The following PPP2R1A variants were observed in gnomAD, a reference collection of about 807,000 sequenced individuals.
PPP2R1A encodes protein phosphatase 2 scaffold subunit Aalpha.
A neutral mutation model predicts 67.1 loss-of-function variants in PPP2R1A; 15 were observed. The observed-to-expected ratio is 0.22, with a 90% CI of 0.15 to 0.34. PPP2R1A has a LOEUF of 0.34. Ranked by LOEUF, PPP2R1A falls within the 10% of genes least tolerant of loss-of-function variation. The probability of loss-of-function intolerance (pLI) is 1.00; values close to 1 mark genes in which losing one functional copy is unlikely to be tolerated. For synonymous variants in PPP2R1A, 337 were observed against 325.0 expected (o/e 1.04, Z -0.40); for missense variants, 369 against 775.0 (o/e 0.48, Z 6.22).
rs757889759 is a variant in PPP2R1A, at chr19:52,225,762, G to T, written c.1707G>T (p.Gln569His). The change falls in exon 14 of 15, where the codon CAG becomes CAT. Residue 569 changes from glutamine (Q) to histidine (H), a missense_variant. By Grantham distance (24) the Gln-to-His change is conservative. Transcript: ENST00000322088. Reference sequence around the variant, plus strand: ...AGCCCATCCTAGAGAAGCTGACCCAGGACCAGGATGTGGACGTCAAATACT... The same window carrying T: ...AGCCCATCCTAGAGAAGCTGACCCATGACCAGGATGTGGACGTCAAATACT... ...EVKPILEKLT[Q>H]DQDVDVKYFA... 3.1e-6 allele frequency: 5 copies of T among 1,614,214 alleles called. No individual in the cohort carries two copies. The Admixed American group carries it at 8.3e-5, about 27-fold the overall frequency.
chr19:52,225,737 A>G lies in PPP2R1A; in HGVS notation c.1682A>G (p.Lys561Arg). The G allele has an allele frequency of 1.9e-6, 3 of 1,614,116 alleles. No homozygotes were observed. Among genetic ancestry groups the G allele is most frequent in the South Asian group, 1.1e-5 (1 of 91,076 alleles). ...LDNSTLQSEV[K>R]PILEKLTQDQ... ...TCCAGCACCTTGCAGAGTGAAGTCA[A>G]GCCCATCCTAGAGAAGCTGACCCAG... The change falls in exon 14 of 15, where the codon AAG (lysine) becomes AGG (arginine). Residue 561 changes from lysine (K) to arginine (R), a missense_variant. Coordinates refer to ENST00000322088, the MANE Select transcript of PPP2R1A (RefSeq NM_014225.6).
At chr19:52,196,756 T>G (rs962314793) in intron 1 of PPP2R1A, among the ~76,000 whole-genome samples, 1 of 152,170 alleles carries the variant, frequency 6.6e-6, no homozygotes, top group African/African-American at 2.4e-5. Flanking sequence ...GGTCCCAGGC[T>G]CTTACCATTA....
chr19:52,192,370 C>T (rs1356124359), intron 1 of PPP2R1A, among the ~76,000 whole-genome samples: 13 of 151,466 alleles, frequency 8.6e-5, no homozygotes, highest in Admixed American at 8.6e-4. Flanking sequence ...TGCACTGACG[C>T]GATCTTTGCT....
chr19:52,190,062 T>G lies in PPP2R1A; in HGVS notation c.-35T>G, dbSNP rs911931506. The G allele has an allele frequency of 5.3e-6, 8 of 1,513,586 alleles. No individual in the cohort carries two copies. Among genetic ancestry groups the G allele is most frequent in the Non-Finnish European group, 7.2e-6 (8 of 1,118,838 alleles). 93.8% of individuals were successfully genotyped at this position (1,513,586 alleles called of 1,614,324 possible). On this transcript the variant is annotated 5_prime_UTR_variant, in exon 1 of 15. Transcript: ENST00000322088. Reference sequence around the variant, plus strand: ...CCCCCCCCACGTTTCAGCACAGCGCTGGCCGCAGTCTGACAGGAAAGGGAC... The same window carrying G: ...CCCCCCCCACGTTTCAGCACAGCGCGGGCCGCAGTCTGACAGGAAAGGGAC...
chr19:52,226,096 C>A lies in PPP2R1A; in HGVS notation c.*115C>A. 6.7e-7 allele frequency: 1 copy of A among 1,499,144 alleles called. No individual in the cohort carries two copies. The highest frequency in any genetic ancestry group is 9.2e-7 in the Non-Finnish European group (1 of 1,081,746). The allele number at this position is 1,499,144 out of a possible 1,614,324, so 92.9% of individuals were successfully genotyped here. On this transcript the variant is annotated 3_prime_UTR_variant, in exon 15 of 15. Transcript: ENST00000322088. The stretch of plus-strand genomic sequence containing the variant: ...TGTCACTCCCTGTGCATGGTCTGAC[C>A]CCAGGCCCCTTCCCCCAGCACGGTT...
At chr19:52,209,267 G>C (rs2089639815) in intron 3 of PPP2R1A, among the ~76,000 whole-genome samples, 1 of 150,808 alleles carries the variant, frequency 6.6e-6, no homozygotes, top group Non-Finnish European at 1.5e-5. Context: ...TACCTTCTCT[G>C]TGCCAGCCCA....
Position 52,212,596 on chromosome 19 carries a change from A to AAAACC in PPP2R1A, c.504-89_504-85dup. The AAAACC allele has an allele frequency of 6.7e-7, 1 of 1,490,994 alleles. No individual in the cohort carries two copies. Among genetic ancestry groups the AAAACC allele is most frequent in the South Asian group, 1.2e-5 (1 of 82,626 alleles). 92.4% of individuals were successfully genotyped at this position (1,490,994 alleles called of 1,614,324 possible). On this transcript the variant is annotated intron_variant, in intron 4 of 14. Transcript: ENST00000322088. This position sits in a 1 kb window ranked among gnomAD's most constrained non-coding sequence, Gnocchi z 4.1. ...ATCACTTGCCCAAGGTCATTCAGCT[A>AAAACC]AAACCTGGACCCACACAACTGCAGA...
rs2122349662 is a variant in PPP2R1A, at chr19:52,216,118, G to A, written c.993+44G>A. 1 of 1,574,616 alleles carries A rather than the reference G, an allele frequency of 6.4e-7. No homozygotes were observed. The highest frequency in any genetic ancestry group is 8.7e-7 in the Non-Finnish European group (1 of 1,144,710). ...GGAGGAACCAAGTGGATCCGAGCCT[G>A]CCAAAAAGAGGGGCTGGAGACAAGG... is the stretch of plus-strand genomic sequence containing the variant. On this transcript the variant is annotated intron_variant, in intron 8 of 14. Transcript: ENST00000322088. This position sits in a 1 kb window ranked among gnomAD's most constrained non-coding sequence, Gnocchi z 4.3.
At position 52,213,475 on chromosome 19, in the gene PPP2R1A, T is replaced by G. The variant is rs2089696258; in HGVS notation, c.807+365T>G. ...TTTTGGTGTTTTTTTTTTTTTTTTT[T>G]TTTTTTTTTTTTAAGATGGAGTCTG... is the stretch of plus-strand genomic sequence containing the variant. On this transcript the variant is annotated intron_variant, in intron 6 of 14. Transcript: ENST00000322088. The surrounding 1 kb of genome is among the most constrained non-coding windows in gnomAD (Gnocchi z 4.2). Among the ~76,000 whole-genome samples, 1 of 120,470 alleles carries G rather than the reference T, an allele frequency of 8.3e-6. No homozygotes were observed. Among genetic ancestry groups the G allele is most frequent in the East Asian group, 2.2e-4 (1 of 4,510 alleles). 79.0% of individuals were successfully genotyped at this position (120,470 alleles called of 152,430 possible).
intron 11 of PPP2R1A, among the ~76,000 whole-genome samples, chr19:52,220,762 A>G (rs978821527): frequency 1.3e-5 from 2 of 152,224 alleles, no homozygotes; most frequent in African/African-American, 2.4e-5. Context: ...TGAAGCCAGT[A>G]GTGGAACCTA....
intron 3 of PPP2R1A, among the ~76,000 whole-genome samples, chr19:52,209,635 C>T (rs2089644637): frequency 6.6e-6 from 1 of 152,168 alleles, no homozygotes; most frequent in South Asian, 2.1e-4. Context: ...TTTTCACCTC[C>T]TCAAACTGAA....
Position 52,216,356 on chromosome 19 carries a change from A to G in PPP2R1A, c.994-173A>G, listed in dbSNP as rs987948945. 2.0e-5 allele frequency among the ~76,000 whole-genome samples: 3 copies of G among 152,138 alleles called. No individual in the cohort carries two copies. The highest frequency in any genetic ancestry group is 7.2e-5 in the African/African-American group (3 of 41,414). ...GAGAGCAGGGGTCATTGAACTCTTA[A>G]GTAGGTGGTACTCATAAGGAATAGT... On this transcript the variant is annotated intron_variant, in intron 8 of 14. Coordinates refer to ENST00000322088, the MANE Select transcript of PPP2R1A (RefSeq NM_014225.6). The surrounding 1 kb of genome is among the most constrained non-coding windows in gnomAD (Gnocchi z 4.3).
chr19:52,207,071 A>G (rs1433870624), intron 3 of PPP2R1A, among the ~76,000 whole-genome samples: 1 of 152,218 alleles, frequency 6.6e-6, no homozygotes, highest in Non-Finnish European at 1.5e-5. Flanking sequence ...GAAACTTGAT[A>G]GTTACCATTA....
chr19:52,213,227 A>G lies in PPP2R1A; in HGVS notation c.807+117A>G, dbSNP rs754091348. 3.9e-6 allele frequency: 5 copies of G among 1,282,592 alleles called. No individual in the cohort carries two copies. The highest frequency in any genetic ancestry group is 1.8e-5 in the South Asian group (1 of 56,302). 79.5% of individuals were successfully genotyped at this position (1,282,592 alleles called of 1,614,324 possible). ...GATGGAACCATTGGGCGTTTGAGCA[A>G]TAAGATCTCTATGATCATCTAACTG... On this transcript the variant is annotated intron_variant, in intron 6 of 14. Transcript: ENST00000322088. This position sits in a 1 kb window ranked among gnomAD's most constrained non-coding sequence, Gnocchi z 4.2.
chr19:52,218,859 T>A (rs971561361), intron 9 of PPP2R1A, among the ~76,000 whole-genome samples: 14 of 152,324 alleles, frequency 9.2e-5, no homozygotes, highest in African/African-American at 3.1e-4. Context: ...ATGGTAATCG[T>A]GTGCTGGCAG....
chr19:52,220,903 G>T, intron 11 of PPP2R1A, 76 bp from the exon 12 acceptor site: 1 of 1,529,812 alleles, frequency 6.5e-7, no homozygotes, highest in South Asian at 1.2e-5. Context: ...AAGCCATGGT[G>T]AGTGTGACCT....
At chr19:52,195,758 A>G (rs1202562348) in intron 1 of PPP2R1A, among the ~76,000 whole-genome samples, 2 of 152,164 alleles carry the variant, frequency 1.3e-5, no homozygotes, top group Non-Finnish European at 2.9e-5. Context: ...CTATGGGGGA[A>G]GGGGTGTGGA....
chr19:52,191,197 A>G (rs1555789570), intron 1 of PPP2R1A: 1 of 152,238 alleles, frequency 6.6e-6, no homozygotes, highest in Non-Finnish European at 1.5e-5. Context: ...GAGGTGACCC[A>G]AGGCTCTGAG....
chr19:52,212,502 C>A lies in PPP2R1A; in HGVS notation c.504-184C>A, dbSNP rs1600167789. 1 of 640,192 alleles carries A rather than the reference C, an allele frequency of 1.6e-6. No individual in the cohort carries two copies. Among genetic ancestry groups the A allele is most frequent in the South Asian group, 2.0e-5 (1 of 50,188 alleles). The allele number at this position is 640,192 out of a possible 1,614,324, so 39.7% of individuals were successfully genotyped here. A position where few individuals can be genotyped will look rare whatever the true frequency, so the allele number is the denominator to read the frequency against. ...ACACTATTTTCATTTAAACCTCATGCGGACCTGTGGGGTAGGTACTGTTAC... is the reference window on the plus strand; with the variant it reads ...ACACTATTTTCATTTAAACCTCATGAGGACCTGTGGGGTAGGTACTGTTAC... On this transcript the variant is annotated intron_variant, in intron 4 of 14. Coordinates refer to ENST00000322088, the MANE Select transcript of PPP2R1A (RefSeq NM_014225.6). This position sits in a 1 kb window ranked among gnomAD's most constrained non-coding sequence, Gnocchi z 4.1.
Sources: allele counts gnomAD v4.1 joint callset (sites outside exome capture counted in the v4.1 genomes callset), GRCh38; gene constraint gnomAD v4.1.1; non-coding constraint Gnocchi (gnomAD v3.1); transcripts MANE v1.5; gene names NCBI Gene and HGNC (gene_info 2026-07-23, HGNC 2026-07-21).